PINK1: variants seen among roughly 807,000 people sequenced by gnomAD.
PINK1 encodes the protein serine/threonine-protein kinase PINK1, mitochondrial.
Under a neutral mutation model 56.0 loss-of-function variants are expected in PINK1, and 58 were observed. That is an observed-to-expected ratio of 1.04 (90% CI 0.84 to 1.29). PINK1 has a LOEUF of 1.29. PINK1 is among the 50% of genes most tolerant of loss of function. The probability of loss-of-function intolerance (pLI) is 0.00; values close to 1 mark genes in which losing one functional copy is unlikely to be tolerated. For synonymous variants in PINK1, 354 were observed against 339.3 expected (o/e 1.04, Z -0.48); for missense variants, 745 against 777.9 (o/e 0.96, Z 0.50).
chr1:20,644,070 C>G (rs1275919791), intron 3 of PINK1, among the ~76,000 whole-genome samples: 1 of 152,150 alleles, frequency 6.6e-6, no homozygotes, highest in Non-Finnish European at 1.5e-5. Flanking sequence ...TCTTCTTGTA[C>G]TCACCTATTC....
rs1163874545 is a variant in PINK1, at chr1:20,633,839, C to T, written c.291C>T (p.Gly97=). The T allele has an allele frequency of 1.9e-6, 3 of 1,578,080 alleles. No individual in the cohort carries two copies. Among genetic ancestry groups the T allele is most frequent in the Admixed American group, 3.6e-5 (2 of 55,354 alleles). ...CCTGGGGCTGCGCGGGCCCTTGCGG[C>T]CGGGCAGTCTTTCTGGCCTTCGGGC... ...VRAWGCAGPC[G]RAVFLAFGLG... The change falls in exon 1 of 8, where the codon GGC becomes GGT. Residue 97 remains glycine, a synonymous_variant. Transcript: ENST00000321556.
chr1:20,648,355 A>G, intron 5 of PINK1, 150 bp from the exon 6 acceptor site: 2 of 1,137,084 alleles, frequency 1.8e-6, no homozygotes, highest in African/African-American at 3.1e-5. Flanking sequence ...CCTTCTGATC[A>G]GCTCTCAGGC....
chr1:20,635,083 C>G (rs550435406), intron 1 of PINK1, among the ~76,000 whole-genome samples: 1 of 152,244 alleles, frequency 6.6e-6, no homozygotes, highest in South Asian at 2.1e-4. Context: ...CTGCTTAAAA[C>G]TAAAGAGGCT....
At chr1:20,650,317 G>C (rs2053250035) in intron 7 of PINK1, 117 bp from the exon 8 acceptor site, 3 of 1,352,424 alleles carry the variant, frequency 2.2e-6, no homozygotes, top group African/African-American at 2.9e-5. Flanking sequence ...GTAGGAGATA[G>C]GGTAGAGGAA....
intron 1 of PINK1, among the ~76,000 whole-genome samples, chr1:20,636,388 A>G (rs1394900681): frequency 2.0e-5 from 3 of 151,130 alleles, no homozygotes; most frequent in Admixed American, 1.3e-4. Flanking sequence ...ACCGTCGCCC[A>G]GGCTGTGCAA....
chr1:20,636,840 A>G (rs558006865), intron 1 of PINK1, among the ~76,000 whole-genome samples: 66 of 152,252 alleles, frequency 4.3e-4, no homozygotes, highest in Non-Finnish European at 7.8e-4. Flanking sequence ...CTATAGAAAC[A>G]GGGGCTGGAA....
intron 2 of PINK1, chr1:20,639,278 A>G (rs931161): frequency 0.38 from 64,229 of 167,664 alleles, 12,463 homozygotes; most frequent in Middle Eastern, 0.44. Context: ...TAGCATCAAA[A>G]CATGCCCTGG....
At chr1:20,650,214 A>C in intron 7 of PINK1, 1 of 621,636 alleles carries the variant, frequency 1.6e-6, no homozygotes, top group South Asian at 1.9e-5. Context: ...TATTTCAACA[A>C]TGCATGCTGC....
At chr1:20,648,450 C>A (rs1427975696) in intron 5 of PINK1, 55 bp from the exon 6 acceptor site, 1 of 1,610,984 alleles carries the variant, frequency 6.2e-7, no homozygotes, top group Non-Finnish European at 8.5e-7. Context: ...CATAGGAGGG[C>A]CTCTCAGAGG....
In PINK1 at chr1:20,638,091, G is replaced by C; in HGVS notation, c.637G>C (p.Ala213Pro). The C allele has an allele frequency of 1.2e-6, 2 of 1,613,750 alleles. No individual in the cohort carries two copies. The highest frequency in any genetic ancestry group is 8.5e-7 in the Non-Finnish European group (1 of 1,180,008). ...GCAGGAGCGAGCTCCGGGGGCCCCTGCCTTCCCCTTGGCCATCAAGATGAT... is the reference window on the plus strand; with the variant it reads ...GCAGGAGCGAGCTCCGGGGGCCCCTCCCTTCCCCTTGGCCATCAAGATGAT... Reference protein sequence around the residue: ...EGQERAPGAPAFPLAIKMMWN... With the variant: ...EGQERAPGAPPFPLAIKMMWN... The change falls in exon 2 of 8, where the codon GCC (alanine) becomes CCC (proline). Residue 213 changes from alanine to proline, a missense_variant. Transcript: ENST00000321556.
intron 7 of PINK1, 140 bp from the exon 8 acceptor site, chr1:20,650,294 G>A (rs2053249670): frequency 2.6e-6 from 3 of 1,156,670 alleles, no homozygotes; most frequent in African/African-American, 1.5e-5. Context: ...TGTCACCTGA[G>A]TGAAGGGCAT....
intron 2 of PINK1, chr1:20,639,528 G>A (rs753336693): frequency 1.7e-5 from 6 of 346,958 alleles, no homozygotes; most frequent in Non-Finnish European, 3.4e-5. Flanking sequence ...GGCTGCTGAA[G>A]GGAGCCTGCA....
chr1:20,646,193 G>T (rs1252785345), intron 5 of PINK1, among the ~76,000 whole-genome samples: 1 of 152,150 alleles, frequency 6.6e-6, no homozygotes, highest in Non-Finnish European at 1.5e-5. Context: ...TACTTGGGAG[G>T]CTGAGGTCGG....
At chr1:20,646,486 A>G (rs1341558407) in intron 5 of PINK1, among the ~76,000 whole-genome samples, 1 of 151,664 alleles carries the variant, frequency 6.6e-6, no homozygotes, top group Non-Finnish European at 1.5e-5. Context: ...TCTACTAAAA[A>G]TACAAAAATT....
Position 20,633,495 on chromosome 1 carries a change from A to G in PINK1, c.-54A>G. 1 of 1,098,498 alleles carries G rather than the reference A, an allele frequency of 9.1e-7. No individual in the cohort carries two copies. Among genetic ancestry groups the G allele is most frequent in the Non-Finnish European group, 1.1e-6 (1 of 902,456 alleles). 68.0% of individuals were successfully genotyped at this position (1,098,498 alleles called of 1,614,324 possible). A position where few individuals can be genotyped will look rare whatever the true frequency, so the allele number is the denominator to read the frequency against. ...CCAAGTTTGTTGTGACCGGCGGGGG[A>G]CGCCGGTGGTGGCGGCAGCGGCGGC... On this transcript the variant is annotated 5_prime_UTR_variant, in exon 1 of 8. Transcript: ENST00000321556.
chr1:20,638,293 A>ATT, intron 2 of PINK1, 164 bp downstream of exon 2: 1 of 799,788 alleles, frequency 1.3e-6, no homozygotes, highest in South Asian at 1.8e-5. Flanking sequence ...AGAAGTCTAA[A>ATT]CCAGAATGTT....
rs147267560 is a variant in PINK1 at position 20,643,273 on chromosome 1, G to C, written c.777-1217G>C. Among the ~76,000 whole-genome samples, 693 of 152,340 alleles carry C rather than the reference G, an allele frequency of 4.5e-3. 5 individuals are homozygous for C. Among genetic ancestry groups the C allele is most frequent in the Non-Finnish European group, 7.9e-3 (540 of 68,022 alleles). ...TCAGCTTTGGCTGAAGGGCAGGGCT[G>C]GCACACAGCTGGCAGAGCCACCCCA... On this transcript the variant is annotated intron_variant, in intron 3 of 7. Coordinates refer to ENST00000321556, the MANE Select transcript of PINK1 (RefSeq NM_032409.3).
intron 1 of PINK1, among the ~76,000 whole-genome samples, chr1:20,636,708 T>A (rs541495152): frequency 7.2e-5 from 11 of 152,270 alleles, no homozygotes; most frequent in Middle Eastern, 3.4e-3. Flanking sequence ...AGATAGCAGG[T>A]GCTTTAGGAA....
At chr1:20,638,908 C>T (rs1373244456) in intron 2 of PINK1, 4 of 152,408 alleles carry the variant, frequency 2.6e-5, no homozygotes, top group African/African-American at 9.6e-5. Context: ...AGCCCACCTC[C>T]AGCTCAGAGG....
Sources: allele counts gnomAD v4.1 joint callset (sites outside exome capture counted in the v4.1 genomes callset), GRCh38; gene constraint gnomAD v4.1.1; transcripts MANE v1.5; gene names NCBI Gene and HGNC (gene_info 2026-07-23, HGNC 2026-07-21).